The following SIGIRR variants were observed in gnomAD, a reference collection of about 807,000 sequenced individuals.
SIGIRR encodes single Ig and TIR domain containing.
SIGIRR carries 41 observed loss-of-function variants against 45.6 expected under a neutral mutation model. That is an observed-to-expected ratio of 0.90 (90% CI 0.70 to 1.17). The LOEUF (loss-of-function observed/expected upper bound fraction) is 1.17. Ranked by LOEUF, SIGIRR falls within the 50% of genes most tolerant of loss-of-function variation. The pLI, the probability that SIGIRR is intolerant of heterozygous loss-of-function variation, is 0.00. For missense variants in SIGIRR, 599 were observed against 539.6 expected, an observed-to-expected ratio of 1.11 and a Z score of -1.09; for synonymous variants, 298 against 239.0, an observed-to-expected ratio of 1.25 and a Z score of -2.28.
At chr11:413,738 TCCCTCTCCCCTACGCACCTTCCCCTGCA>T (rs1847777343) in intron 1 of SIGIRR, among the ~76,000 whole-genome samples, 1 of 77,206 alleles carries the variant, frequency 1.3e-5, no homozygotes, top group Admixed American at 1.5e-4. Context: ...TCTCCCCTGC[TCCCTCTCCCCTACGCACCTTCCCCTGCA>T]CCCTCTCCTC....
upstream of SIGIRR, among the ~76,000 whole-genome samples, chr11:415,252 AGT>A (rs1564896927): frequency 7.9e-5 from 9 of 113,548 alleles, no homozygotes; most frequent in Admixed American, 2.8e-4. The surrounding 1 kb of genome is among the most constrained non-coding windows in gnomAD (Gnocchi z 6.6). Flanking sequence ...GTGTGTGTGC[AGT>A]GTGTCTGCGT....
Position 405,882 on chromosome 11 carries a change from C to A in SIGIRR, c.*14G>T, listed in dbSNP as rs1224439352. 1 of 1,583,822 alleles carries A rather than the reference C, an allele frequency of 6.3e-7. No individual in the cohort carries two copies. The highest frequency in any genetic ancestry group is 1.3e-5 in the African/African-American group (1 of 74,576). The stretch of plus-strand genomic sequence containing the variant: ...CCCCCGCTGTCCCTATGATCCTGCA[C>A]TCTGGGGTGGGAGCTACATATCATC... On this transcript the variant is annotated 3_prime_UTR_variant, in exon 10 of 10. Transcript: ENST00000431843.
chr11:412,326 C>T (rs60953764), intron 1 of SIGIRR, among the ~76,000 whole-genome samples: 2 of 15,354 alleles, frequency 1.3e-4, no homozygotes, highest in African/African-American at 7.4e-4. Context: ...ATGCAGTCGG[C>T]GGGGGTGCCC....
upstream of SIGIRR, among the ~76,000 whole-genome samples, chr11:415,303 T>TG (rs1171078348): frequency 1.3e-5 from 2 of 148,332 alleles, no homozygotes; most frequent in African/African-American, 5.0e-5. This position sits in a 1 kb window ranked among gnomAD's most constrained non-coding sequence, Gnocchi z 6.6. Flanking sequence ...GTGCGTGCGT[T>TG]TGTGTGTGTG....
chr11:407,617 G>C, intron 5 of SIGIRR, 49 bp from the exon 6 acceptor site: 3 of 1,589,934 alleles, frequency 1.9e-6, no homozygotes, highest in Non-Finnish European at 2.6e-6. Flanking sequence ...CCTCACACCA[G>C]CCCTCGGGGT....
In SIGIRR at chr11:407,158, G is replaced by T; in HGVS notation, c.632C>A (p.Ser211Tyr). Residue 211 changes from serine (S) to tyrosine (Y), a missense_variant, in exon 7 of 10, where the codon TCC becomes TAC. By Grantham distance (144) the Ser-to-Tyr change is moderately radical (BLOSUM62 -2). Transcript: ENST00000431843. ...DRDLLPRAEPSADLLVNLSRC... is the reference protein window; with the variant it reads ...DRDLLPRAEPYADLLVNLSRC... ...GCTCAGGTTCACCAAGAGGTCGGCG[G>T]AGGGCTCTGCGGGAGGGCGGGCGTC... 6.6e-7 allele frequency: 1 copy of T among 1,508,740 alleles called. No individual in the cohort carries two copies. The allele number at this position is 1,508,740 out of a possible 1,614,324, so 93.5% of individuals were successfully genotyped here.
intron 1 of SIGIRR, 142 bp from the exon 2 acceptor site, chr11:410,169 G>A: frequency 1.4e-6 from 1 of 739,932 alleles, no homozygotes; most frequent in Non-Finnish European, 1.9e-6. Context: ...AGGCCAGCAG[G>A]GTGTCTCTTT....
chr11:407,157 G>A lies in SIGIRR; in HGVS notation c.633C>T (p.Ser211=). The stretch of plus-strand genomic sequence containing the variant: ...GGCTCAGGTTCACCAAGAGGTCGGC[G>A]GAGGGCTCTGCGGGAGGGCGGGCGT... ...DRDLLPRAEP[S]ADLLVNLSRC... is the part of the protein sequence containing the mutation. The change falls in exon 7 of 10, where the codon TCC becomes TCT. Residue 211 remains serine, a synonymous_variant. Coordinates refer to ENST00000431843, the MANE Select transcript of SIGIRR (RefSeq NM_001135054.2). 6.6e-7 allele frequency: 1 copy of A among 1,507,562 alleles called. No homozygotes were observed. Among genetic ancestry groups the A allele is most frequent in the Non-Finnish European group, 8.8e-7 (1 of 1,133,370 alleles). 93.4% of individuals were successfully genotyped at this position (1,507,562 alleles called of 1,614,324 possible).
chr11:409,835 G>A, intron 2 of SIGIRR, 33 bp downstream of exon 2: 4 of 1,366,814 alleles, frequency 2.9e-6, no homozygotes, highest in Middle Eastern at 1.9e-4. Context: ...TGGGAGTGGG[G>A]AATTCAAGCC....
chr11:415,239 TGTGTGTGTGTGC>T (rs1433928293), upstream of SIGIRR, among the ~76,000 whole-genome samples: 442 of 64,028 alleles, frequency 6.9e-3, 3 homozygotes, highest in African/African-American at 0.024. The surrounding 1 kb of genome is among the most constrained non-coding windows in gnomAD (Gnocchi z 6.6). Context: ...TGTGTGTGTG[TGTGTGTGTGTGC>T]AGTGTGTCTG....
chr11:409,797 A>G, intron 2 of SIGIRR, 71 bp downstream of exon 2: 1 of 1,360,970 alleles, frequency 7.3e-7, no homozygotes, highest in Non-Finnish European at 9.5e-7. Flanking sequence ...AGGATGCACA[A>G]TGTGGAGCCA....
Position 406,379 on chromosome 11 carries a change from C to CT in SIGIRR, c.1038dup (p.Glu347ArgfsTer7). The CT allele has an allele frequency of 6.2e-7, 1 of 1,612,642 alleles. No individual in the cohort carries two copies. On this transcript the variant is annotated frameshift_variant, in exon 9 of 10. Coordinates refer to ENST00000431843, the MANE Select transcript of SIGIRR (RefSeq NM_001135054.2). LOFTEE classifies it high-confidence loss of function. ...TCGCCCTCAGGGTCCGGGTCCACCT[C>CT]TGAGTCCAGGGCCCGGCCCTCAGGG...
rs1469221049 is a variant in SIGIRR at position 407,123 on chromosome 11, G to A, written c.667C>T (p.Arg223Cys). The change falls in exon 7 of 10, where the codon CGC becomes TGC. Residue 223 changes from arginine to cysteine, a missense_variant. Arg to Cys is a radical substitution (Grantham distance 180). Coordinates refer to ENST00000431843, the MANE Select transcript of SIGIRR (RefSeq NM_001135054.2). Reference protein sequence around the residue: ...DLLVNLSRCRRLIVVLSDAFL... With the variant: ...DLLVNLSRCRCLIVVLSDAFL... ...GCGTCCGAAAGCACCACGATGAGGC[G>A]TCGGCAGCGGCTCAGGTTCACCAAG... is the stretch of plus-strand genomic sequence containing the variant. The A allele has an allele frequency of 6.4e-7, 1 of 1,563,186 alleles. No individual in the cohort carries two copies. Among genetic ancestry groups the A allele is most frequent in the Admixed American group, 1.8e-5 (1 of 55,338 alleles).
In SIGIRR at chr11:414,847, G is replaced by T; in HGVS notation, c.-178C>A. 1.0e-6 allele frequency: 1 copy of T among 985,516 alleles called. No homozygotes were observed. 61.0% of individuals were successfully genotyped at this position (985,516 alleles called of 1,614,324 possible). A position where few individuals can be genotyped will look rare whatever the true frequency, so the allele number is the denominator to read the frequency against. On this transcript the variant is annotated 5_prime_UTR_variant, in exon 1 of 10. Coordinates refer to ENST00000431843, the MANE Select transcript of SIGIRR (RefSeq NM_001135054.2). Reference sequence around the variant, plus strand: ...CCTGGTTCCAGTTCTTTCCTCCGGGGGGCAAATGTTGGTCATTGGTGCGCC... The same window carrying T: ...CCTGGTTCCAGTTCTTTCCTCCGGGTGGCAAATGTTGGTCATTGGTGCGCC...
chr11:416,234 C>T (rs1462226098), upstream of SIGIRR, among the ~76,000 whole-genome samples: 1 of 152,162 alleles, frequency 6.6e-6, no homozygotes, highest in Non-Finnish European at 1.5e-5. The surrounding 1 kb of genome is among the most constrained non-coding windows in gnomAD (Gnocchi z 9.1). Context: ...GCCTCCAGCA[C>T]AGGCCCTGGG....
rs551568333 is a variant in SIGIRR, at chr11:413,513, G to A, written c.-154+1310C>T. ...CATCTCCTGCAGTGCTTCCGTGACC[G>A]CCCCAAGCTCAGACCTCAAAGTCCT... On this transcript the variant is annotated intron_variant, in intron 1 of 9. Coordinates refer to ENST00000431843, the MANE Select transcript of SIGIRR (RefSeq NM_001135054.2). 2.2e-4 allele frequency among the ~76,000 whole-genome samples: 34 copies of A among 152,020 alleles called. No individual in the cohort carries two copies. The South Asian group carries it at 3.9e-3, about 18-fold the overall frequency.
upstream of SIGIRR, among the ~76,000 whole-genome samples, chr11:416,268 C>T (rs1458826155): frequency 6.6e-6 from 1 of 152,114 alleles, no homozygotes; most frequent in African/African-American, 2.4e-5. The surrounding 1 kb of genome is among the most constrained non-coding windows in gnomAD (Gnocchi z 9.1). Context: ...TGTGAAGCCC[C>T]GGCTCGGCGG....
chr11:407,892 C>CGGCCAGCAGCAG lies in SIGIRR; in HGVS notation c.394_405dup (p.Leu132_Ala135dup). 6.2e-7 allele frequency: 1 copy of CGGCCAGCAGCAG among 1,612,412 alleles called. No homozygotes were observed. Among genetic ancestry groups the CGGCCAGCAGCAG allele is most frequent in the Non-Finnish European group, 8.5e-7 (1 of 1,179,798 alleles). On this transcript the variant is annotated inframe_insertion, in exon 5 of 10. Transcript: ENST00000431843. ...AGACGGCACTTGACATAGAGCAGGGCGGCCAGCAGCAGGGCCAGCAGGACC... is the reference window on the plus strand; with the variant it reads ...AGACGGCACTTGACATAGAGCAGGGCGGCCAGCAGCAGGGCCAGCAGCAGGGCCAGCAGGACC...
intron 2 of SIGIRR, chr11:409,194 A>AGCC: frequency 2.0e-6 from 1 of 497,554 alleles, no homozygotes; most frequent in Non-Finnish European, 3.7e-6. Flanking sequence ...ATGTGAGTCC[A>AGCC]GCCCCCCATT....
Sources: allele counts gnomAD v4.1 joint callset (sites outside exome capture counted in the v4.1 genomes callset), GRCh38; gene constraint gnomAD v4.1.1; non-coding constraint Gnocchi (gnomAD v3.1); transcripts MANE v1.5; gene names NCBI Gene and HGNC (gene_info 2026-07-23, HGNC 2026-07-21).